SLC4A4: variants seen among roughly 807,000 people sequenced by gnomAD.
SLC4A4 encodes electrogenic sodium bicarbonate cotransporter 1.
In SLC4A4, 27 loss-of-function variants were observed where a neutral mutation model predicts 111.5. The observed-to-expected ratio is 0.24, with a 90% CI of 0.18 to 0.33. SLC4A4 has a LOEUF of 0.33. Among genes scored for constraint, SLC4A4 ranks in the 10% least tolerant of loss-of-function variants. The pLI is 1.00. For synonymous variants in SLC4A4, 443 were observed against 463.4 expected (o/e 0.96, Z 0.57); for missense variants, 909 against 1,315.5 (o/e 0.69, Z 4.78).
intron 2 of SLC4A4, among the ~76,000 whole-genome samples, chr4:71,095,527 G>A (rs1488581586): frequency 3.3e-5 from 5 of 152,182 alleles, no homozygotes; most frequent in South Asian, 2.1e-4. Flanking sequence ...CATCTGCTGC[G>A]TTTTGCTCAT....
Position 71,547,675 on chromosome 4 carries a change from G to A in SLC4A4, c.2649G>A (p.Val883=). 1 of 1,612,054 alleles carries A rather than the reference G, an allele frequency of 6.2e-7. No individual in the cohort carries two copies. ...VREQRVTGTL[V]FILTGLSVFM... ...AACAAAGAGTCACTGGAACCCTTGT[G>A]TTTATTCTGACTGGTCTGTCAGTCT... Residue 883 remains valine (V), a synonymous_variant, in exon 20 of 26, where the codon GTG becomes GTA. Transcript: ENST00000264485.
At chr4:71,311,428 G>A (rs1392588627) in intron 3 of SLC4A4, among the ~76,000 whole-genome samples, 1 of 152,032 alleles carries the variant, frequency 6.6e-6, no homozygotes, top group Non-Finnish European at 1.5e-5. Context: ...CTCTAAAATC[G>A]ATCACATAAT....
intron 3 of SLC4A4, among the ~76,000 whole-genome samples, chr4:71,285,437 C>A (rs921892564): frequency 6.6e-6 from 1 of 152,050 alleles, no homozygotes; most frequent in Non-Finnish European, 1.5e-5. Context: ...TGATCACAGT[C>A]CTCTCATTCA....
chr4:71,570,883 C>A lies in SLC4A4; in HGVS notation c.*3132C>A, dbSNP rs1172578709. The A allele has an allele frequency of 3.3e-5, 5 of 152,022 alleles. No homozygotes were observed. Among genetic ancestry groups the A allele is most frequent in the African/African-American group, 1.2e-4 (5 of 41,374 alleles). The allele number at this position is 152,022 out of a possible 1,614,324, so 9.4% of individuals were successfully genotyped here. On this transcript the variant is annotated 3_prime_UTR_variant, in exon 26 of 26. Coordinates refer to ENST00000264485, the MANE Select transcript of SLC4A4 (RefSeq NM_001098484.3). ...TTTTGTGTGCCAGGGGCAGTAATGT[C>A]CCTGCCTCTTCTCCCAATCAAGGTT... is the stretch of plus-strand genomic sequence containing the variant.
intron 8 of SLC4A4, among the ~76,000 whole-genome samples, chr4:71,441,448 A>T (rs1291389576): frequency 3.9e-5 from 6 of 152,128 alleles, no homozygotes; most frequent in Admixed American, 3.9e-4. Flanking sequence ...TGTGCTGCAG[A>T]CAGTTTAAAG....
chr4:71,241,353 G>T (rs1467671106), intron 2 of SLC4A4, among the ~76,000 whole-genome samples: 1 of 152,022 alleles, frequency 6.6e-6, no homozygotes. Context: ...TTTGAAGAGA[G>T]AGACTAAAAT....
intron 3 of SLC4A4, among the ~76,000 whole-genome samples, chr4:71,277,658 TTC>T (rs1012667756): frequency 2.6e-5 from 4 of 151,416 alleles, no homozygotes; most frequent in African/African-American, 7.3e-5. Context: ...CTCTCCTTCT[TTC>T]TCTGTTTTTC....
intron 1 of SLC4A4, among the ~76,000 whole-genome samples, chr4:71,089,142 A>G (rs940921105): frequency 4.0e-5 from 6 of 151,752 alleles, no homozygotes; most frequent in Non-Finnish European, 7.4e-5. Context: ...ACTTCATTTC[A>G]TTCATTTGAT....
rs112132682 is a variant in SLC4A4, at chr4:71,297,585, CTTT to C, written c.254-41767_254-41765del. Among the ~76,000 whole-genome samples, 9 of 115,030 alleles carry C rather than the reference CTTT, an allele frequency of 7.8e-5. No individual in the cohort carries two copies. The South Asian group carries it at 8.8e-4, about 11-fold the overall frequency. 75.5% of individuals were successfully genotyped at this position (115,030 alleles called of 152,430 possible). On this transcript the variant is annotated intron_variant, in intron 3 of 25. Transcript: ENST00000264485. ...AAAAGAAATGAATGTATTGGTGAAT[CTTT>C]TTTTTTTTTTTTTTTTTGAGTTAGA...
intron 16 of SLC4A4, among the ~76,000 whole-genome samples, chr4:71,523,950 G>T (rs1453444): frequency 0.99 from 150,660 of 152,152 alleles, 74,610 homozygotes; most frequent in Middle Eastern, 1. Flanking sequence ...TGACATGTGA[G>T]CTTCATGCTG....
At chr4:71,433,408 A>C (rs146928364) in intron 7 of SLC4A4, among the ~76,000 whole-genome samples, 2 of 151,828 alleles carry the variant, frequency 1.3e-5, no homozygotes, top group East Asian at 3.9e-4. Context: ...TTTATCCCCT[A>C]TCTCTCCTGC....
intron 16 of SLC4A4, among the ~76,000 whole-genome samples, chr4:71,518,593 G>A (rs1366011579): frequency 6.6e-6 from 1 of 152,166 alleles, no homozygotes; most frequent in Non-Finnish European, 1.5e-5. Flanking sequence ...TGTATTGGCA[G>A]GGACTGGTCT....
intron 2 of SLC4A4, among the ~76,000 whole-genome samples, chr4:71,125,868 A>G (rs1200616323): frequency 6.6e-6 from 1 of 152,234 alleles, no homozygotes; most frequent in Admixed American, 6.5e-5. Context: ...ATTTAGAATA[A>G]GAAATCACAA....
chr4:71,553,058 A>G (rs1030732398), intron 20 of SLC4A4, among the ~76,000 whole-genome samples: 1 of 151,886 alleles, frequency 6.6e-6, no homozygotes, highest in East Asian at 2.0e-4. Context: ...CAAGTTTTCC[A>G]TATTGGAAGA....
chr4:71,093,966 G>T (rs9291198), intron 2 of SLC4A4, among the ~76,000 whole-genome samples: 13,944 of 152,118 alleles, frequency 0.092, 793 homozygotes, highest in African/African-American at 0.16. Context: ...CCTGGCTGAT[G>T]AGATTATTTA....
chr4:71,175,850 C>T (rs1038644503), intron 2 of SLC4A4, among the ~76,000 whole-genome samples: 1 of 152,172 alleles, frequency 6.6e-6, no homozygotes, highest in Non-Finnish European at 1.5e-5. Flanking sequence ...AAGCACACAG[C>T]TGGAGATCTG....
At chr4:71,263,778 CAG>C (rs1359082256) in intron 3 of SLC4A4, among the ~76,000 whole-genome samples, 1 of 151,846 alleles carries the variant, frequency 6.6e-6, no homozygotes, top group Non-Finnish European at 1.5e-5. Flanking sequence ...GTTTTTAAAA[CAG>C]AGATGAAAGT....
chr4:71,562,858 T>TA (rs1330518678), intron 23 of SLC4A4, among the ~76,000 whole-genome samples: 5 of 151,914 alleles, frequency 3.3e-5, no homozygotes, highest in African/African-American at 1.2e-4. Context: ...ATTAACCTCT[T>TA]TAGAGTCATA....
At chr4:71,274,380 T>C (rs1024930840) in intron 3 of SLC4A4, among the ~76,000 whole-genome samples, 8 of 152,278 alleles carry the variant, frequency 5.3e-5, no homozygotes, top group African/African-American at 1.9e-4. Flanking sequence ...TTCAAACCTG[T>C]GTTGTTCAGT....
Sources: gnomAD v4.1 joint callset for allele counts (sites outside exome capture counted in the v4.1 genomes callset) on GRCh38, gnomAD v4.1.1 for gene constraint, MANE v1.5 for transcripts, NCBI Gene and HGNC (gene_info 2026-07-23, HGNC 2026-07-21) for gene names.